The following CD163L1 variants were observed in gnomAD, a reference collection of about 807,000 sequenced individuals.
CD163L1 encodes CD163 molecule like 1.
In CD163L1, 124 loss-of-function variants were observed where a neutral mutation model predicts 165.4. The observed-to-expected ratio is 0.75, with a 90% CI of 0.65 to 0.87. The LOEUF is 0.87. Among genes scored for constraint, CD163L1 ranks in the 40% least tolerant of loss-of-function variants. The pLI is 0.00. For synonymous variants in CD163L1, 585 were observed against 662.2 expected (o/e 0.88, Z 1.79); for missense variants, 1,525 against 1,799.9 (o/e 0.85, Z 2.76).
Position 7,379,045 on chromosome 12 carries a change from A to G in CD163L1, c.2304T>C (p.Asp768=), listed in dbSNP as rs752037443. Residue 768 remains aspartate (D), a synonymous_variant, in exon 9 of 20, where the codon GAT becomes GAC. Transcript: ENST00000313599. ...GCTGGEASLW[D]CIRWEWKQTA... ...TCTGTTTCCACTCCCATCGTATACA[A>G]TCCCAGAGAGAGGCTTCCCCTCCAG... 3.1e-6 allele frequency: 5 copies of G among 1,614,034 alleles called. No homozygotes were observed. The highest frequency in any genetic ancestry group is 3.4e-6 in the Non-Finnish European group (4 of 1,180,004).
At chr12:7,420,034 G>A (rs1948318703) in intron 4 of CD163L1, among the ~76,000 whole-genome samples, 1 of 151,976 alleles carries the variant, frequency 6.6e-6, no homozygotes, top group African/African-American at 2.4e-5. Context: ...ATGGAAAAGA[G>A]TACCCAGAAA....
At position 7,357,453 on chromosome 12, in the gene CD163L1, C is replaced by T. The variant is rs1309496715; in HGVS notation, c.4313G>A (p.Ser1438Asn). 1.2e-6 allele frequency: 2 copies of T among 1,612,582 alleles called. No individual in the cohort carries two copies. The highest frequency in any genetic ancestry group is 1.7e-6 in the Non-Finnish European group (2 of 1,179,112). ...AAGAACTCCCAACAGCGATGTGTCG[C>T]TAGCATCTTCACAACCATGGTTGGG... ...DTPNHGCEDA[S>N]DTSLLGVLPA... Residue 1438 changes from serine to asparagine, a missense_variant, in exon 19 of 20, where the codon AGC becomes AAC. Transcript: ENST00000313599.
chr12:7,359,288 A>T (rs1257298745), intron 18 of CD163L1, among the ~76,000 whole-genome samples: 1 of 152,010 alleles, frequency 6.6e-6, no homozygotes, highest in Non-Finnish European at 1.5e-5. Flanking sequence ...CAAAACAAAC[A>T]AACAAAAAAC....
chr12:7,431,057 T>C (rs1205897901), intron 4 of CD163L1, among the ~76,000 whole-genome samples: 1 of 152,170 alleles, frequency 6.6e-6, no homozygotes, highest in Non-Finnish European at 1.5e-5. Context: ...TTGCTTTCCG[T>C]AGTGACTTCT....
Position 7,380,428 on chromosome 12 carries a change from T to C in CD163L1, c.2051-1130A>G, listed in dbSNP as rs995602719. On this transcript the variant is annotated intron_variant, in intron 8 of 19. Coordinates refer to ENST00000313599, the MANE Select transcript of CD163L1 (RefSeq NM_174941.6). Reference sequence around the variant, plus strand: ...ATGTATGTGTGTATATATATACACATGATGGAATACTACTCAGCCATAAAG... The same window carrying C: ...ATGTATGTGTGTATATATATACACACGATGGAATACTACTCAGCCATAAAG... 2.8e-5 allele frequency among the ~76,000 whole-genome samples: 3 copies of C among 107,860 alleles called. No homozygotes were observed. In the East Asian group the frequency reaches 7.7e-4, roughly 28 times the overall value. 70.8% of individuals were successfully genotyped at this position (107,860 alleles called of 152,430 possible).
intron 2 of CD163L1, chr12:7,439,904 C>T: frequency 6.4e-7 from 1 of 1,569,866 alleles, no homozygotes; most frequent in Admixed American, 1.8e-5. Flanking sequence ...CCAACTCCTT[C>T]TTCGACTTCG....
intron 8 of CD163L1, among the ~76,000 whole-genome samples, chr12:7,385,048 T>C (rs1482373701): frequency 1.3e-5 from 2 of 151,754 alleles, no homozygotes; most frequent in African/African-American, 2.4e-5. Context: ...TTAAAAGATA[T>C]AGATTGGCTG....
intron 4 of CD163L1, among the ~76,000 whole-genome samples, chr12:7,427,285 T>C (rs1175341092): frequency 1.3e-5 from 2 of 152,160 alleles, no homozygotes; most frequent in Admixed American, 6.6e-5. Context: ...TCACTTTCAA[T>C]GTTCTTTAGA....
chr12:7,428,106 G>GA (rs1284167050), intron 4 of CD163L1, among the ~76,000 whole-genome samples: 1 of 151,998 alleles, frequency 6.6e-6, no homozygotes, highest in African/African-American at 2.4e-5. Flanking sequence ...TTCTATAACT[G>GA]AAAAATCTGT....
the CD163L1 span, among the ~76,000 whole-genome samples, chr12:7,336,920 A>G: frequency 6.6e-6 from 1 of 152,170 alleles, no homozygotes; most frequent in Non-Finnish European, 1.5e-5. Context: ...ACTTCAAACT[A>G]TGCTACAAGG....
intron 2 of CD163L1, among the ~76,000 whole-genome samples, chr12:7,434,459 T>C (rs1456993409): frequency 6.6e-6 from 1 of 152,116 alleles, no homozygotes; most frequent in Non-Finnish European, 1.5e-5. Context: ...CCAAATCTAC[T>C]TGTAAGCCAA....
chr12:7,373,563 T>C lies in CD163L1; in HGVS notation c.3487A>G (p.Thr1163Ala). The stretch of plus-strand genomic sequence containing the variant: ...TTCCTCCTGCCGACGCTGCCCCAGG[T>C]CCCGTTATAGAAGACTTCCAATCTC... ...AGRLEVFYNGTWGSVGRRNIT... is the reference protein window; with the variant it reads ...AGRLEVFYNGAWGSVGRRNIT... Residue 1163 changes from threonine to alanine, a missense_variant, in exon 14 of 20, where the codon ACC becomes GCC. Coordinates refer to ENST00000313599, the MANE Select transcript of CD163L1 (RefSeq NM_174941.6). 6.2e-7 allele frequency: 1 copy of C among 1,614,156 alleles called. No individual in the cohort carries two copies. Among genetic ancestry groups the C allele is most frequent in the Non-Finnish European group, 8.5e-7 (1 of 1,180,010 alleles).
chr12:7,369,385 G>T lies in CD163L1; in HGVS notation c.4011C>A (p.His1337Gln). The change falls in exon 15 of 20, where the codon CAC becomes CAA. Residue 1337 changes from histidine (H) to glutamine (Q), a missense_variant. His to Gln is a conservative substitution (Grantham distance 24). Transcript: ENST00000313599. The surrounding 1 kb of genome is among the most constrained non-coding windows in gnomAD (Gnocchi z 4.9). The part of the protein sequence containing the change: ...AKPWGQSDCG[H>Q]KEDAGVRCSG... ...AGCACCTCACGCCAGCATCTTCCTT[G>T]TGTCCACAGTCACTCTGTCCCCAGG... 1 of 1,614,034 alleles carries T rather than the reference G, an allele frequency of 6.2e-7. No individual in the cohort carries two copies. The highest frequency in any genetic ancestry group is 8.5e-7 in the Non-Finnish European group (1 of 1,179,994).
intron 18 of CD163L1, among the ~76,000 whole-genome samples, chr12:7,362,901 G>GT (rs1946933609): frequency 6.6e-6 from 1 of 151,186 alleles, no homozygotes; most frequent in Non-Finnish European, 1.5e-5. Context: ...AGAAAATGTG[G>GT]TATATATATG....
chr12:7,413,554 C>T (rs949908201), intron 4 of CD163L1, among the ~76,000 whole-genome samples: 2 of 152,226 alleles, frequency 1.3e-5, no homozygotes, highest in African/African-American at 4.8e-5. Flanking sequence ...TATTTACCCC[C>T]ATCAATCTAT....
chr12:7,422,673 A>C (rs1409467053), intron 4 of CD163L1, among the ~76,000 whole-genome samples: 1 of 149,440 alleles, frequency 6.7e-6, no homozygotes, highest in Non-Finnish European at 1.5e-5. Context: ...TCATATCATA[A>C]CTATCTCATA....
intron 4 of CD163L1, among the ~76,000 whole-genome samples, chr12:7,410,999 G>T (rs931854890): frequency 3.3e-5 from 5 of 151,380 alleles, no homozygotes; most frequent in Admixed American, 3.3e-4. Flanking sequence ...TGGTAAAATA[G>T]CTGGAAACTA....
chr12:7,409,644 G>C (rs75003375), intron 4 of CD163L1, among the ~76,000 whole-genome samples: 3 of 152,144 alleles, frequency 2.0e-5, no homozygotes, highest in African/African-American at 7.2e-5. Context: ...CTAACATACC[G>C]TGACCGGTAC....
chr12:7,440,031 C>T, intron 2 of CD163L1: 2 of 1,309,498 alleles, frequency 1.5e-6, no homozygotes, highest in Non-Finnish European at 2.2e-6. Context: ...CGCTGCGACA[C>T]ACACCCCAGC....
Sources: allele counts gnomAD v4.1 joint callset (sites outside exome capture counted in the v4.1 genomes callset), GRCh38; gene constraint gnomAD v4.1.1; non-coding constraint Gnocchi (gnomAD v3.1); transcripts MANE v1.5; gene names NCBI Gene and HGNC (gene_info 2026-07-23, HGNC 2026-07-21).